The following SCN11A variants were observed in gnomAD, a reference collection of about 807,000 sequenced individuals.
SCN11A encodes the protein sodium channel protein type 11 subunit alpha.
In SCN11A, 122 loss-of-function variants were observed where a neutral mutation model predicts 162.2. The observed-to-expected ratio is 0.75, with a 90% CI of 0.65 to 0.87. The LOEUF is 0.87. Among genes scored for constraint, SCN11A ranks in the 40% least tolerant of loss-of-function variants. The pLI is 0.00. For synonymous variants in SCN11A, 758 were observed against 751.5 expected (o/e 1.01, Z -0.14); for missense variants, 2,015 against 2,181.6 (o/e 0.92, Z 1.52).
intron 28 of SCN11A, among the ~76,000 whole-genome samples, chr3:38,856,241 C>G (rs992561044): frequency 1.3e-5 from 2 of 152,162 alleles, no homozygotes. Context: ...TCACTGCAGA[C>G]ACAGCTGGGG....
chr3:39,032,487 C>T lies in SCN11A; in HGVS notation c.-387G>A, dbSNP rs1048380427. ...GATTGAACATGGAGCCAAAAACATG[C>T]GAAGCACTGGGACAATCTGAAAACA... On this transcript the variant is annotated 5_prime_UTR_variant, in exon 2 of 30. Coordinates refer to ENST00000302328, the MANE Select transcript of SCN11A (RefSeq NM_001349253.2). 1.3e-5 allele frequency among the ~76,000 whole-genome samples: 2 copies of T among 151,908 alleles called. No homozygotes were observed. Among genetic ancestry groups the T allele is most frequent in the African/African-American group, 2.4e-5 (1 of 41,360 alleles).
At chr3:38,910,028 G>A (rs1306067716) in intron 12 of SCN11A, 38 bp downstream of exon 12, 3 of 1,597,676 alleles carry the variant, frequency 1.9e-6, no homozygotes, top group Non-Finnish European at 2.6e-6. Context: ...AGGATGGAGG[G>A]AGGGAGAGAG....
At chr3:38,901,014 T>C (rs1276051418) in intron 16 of SCN11A, among the ~76,000 whole-genome samples, 1 of 151,770 alleles carries the variant, frequency 6.6e-6, no homozygotes. Flanking sequence ...CACAAATAAA[T>C]AGAAATGAAA....
intron 2 of SCN11A, among the ~76,000 whole-genome samples, chr3:38,975,078 A>C (rs1265467137): frequency 6.6e-6 from 1 of 151,888 alleles, no homozygotes; most frequent in African/African-American, 2.4e-5. Flanking sequence ...CAATATATTG[A>C]GAGGAAAAAA....
At chr3:39,023,163 C>T (rs935417748) in intron 2 of SCN11A, among the ~76,000 whole-genome samples, 4 of 152,110 alleles carry the variant, frequency 2.6e-5, no homozygotes, top group Admixed American at 2.0e-4. Context: ...TCAATATAAT[C>T]TGGAAAGGGG....
Position 38,908,137 on chromosome 3 carries a change from A to C in SCN11A, c.1300-15T>G. On this transcript the variant is annotated splice_polypyrimidine_tract_variant and intron_variant, in intron 13 of 29. Transcript: ENST00000302328. ...GCAACCAGAGCCTTCAAATTGAACA[A>C]AAGCAATTAAAGAACAGATTACACC... is the stretch of plus-strand genomic sequence containing the variant. 1.9e-6 allele frequency: 3 copies of C among 1,605,158 alleles called. No homozygotes were observed. The highest frequency in any genetic ancestry group is 2.5e-6 in the Non-Finnish European group (3 of 1,177,874).
intron 2 of SCN11A, among the ~76,000 whole-genome samples, chr3:38,996,852 T>C (rs1193276637): frequency 1.3e-5 from 2 of 152,048 alleles, no homozygotes; most frequent in African/African-American, 4.8e-5. Flanking sequence ...GACGGGAGGA[T>C]CACTTGAACC....
chr3:39,029,128 T>G (rs1231638379), intron 2 of SCN11A, among the ~76,000 whole-genome samples: 6 of 152,200 alleles, frequency 3.9e-5, no homozygotes, highest in Non-Finnish European at 5.9e-5. Flanking sequence ...ACTGTTAATA[T>G]ACCGGTAGGT....
At chr3:38,987,314 CACACA>C in intron 2 of SCN11A, among the ~76,000 whole-genome samples, 1 of 140,286 alleles carries the variant, frequency 7.1e-6, no homozygotes, top group Admixed American at 6.9e-5. Flanking sequence ...CACACACACA[CACACA>C]CACACACACA....
intron 2 of SCN11A, among the ~76,000 whole-genome samples, chr3:39,012,240 G>A (rs796977881): frequency 9.2e-5 from 14 of 152,082 alleles, no homozygotes; most frequent in African/African-American, 3.1e-4. Context: ...CAGGAGAATC[G>A]CTTGAACCTG....
intron 2 of SCN11A, among the ~76,000 whole-genome samples, chr3:39,001,830 C>A (rs548057464): frequency 6.6e-6 from 1 of 151,932 alleles, no homozygotes; most frequent in South Asian, 2.1e-4. Context: ...GTCAGGAGGT[C>A]GAGACCATCC....
At chr3:38,860,724 T>C (rs1207801549) in intron 28 of SCN11A, among the ~76,000 whole-genome samples, 1 of 152,112 alleles carries the variant, frequency 6.6e-6, no homozygotes, top group Non-Finnish European at 1.5e-5. Flanking sequence ...AAAACTGGCA[T>C]AGAAGGAACA....
chr3:38,849,294 A>G (rs114289768), intron 29 of SCN11A: 1 of 113,990 alleles, frequency 8.8e-6, no homozygotes, highest in Non-Finnish European at 1.7e-5. Context: ...GCTGCTGTCA[A>G]TTTCACCAAG....
At chr3:39,003,038 T>C (rs1311495044) in intron 2 of SCN11A, among the ~76,000 whole-genome samples, 2 of 152,194 alleles carry the variant, frequency 1.3e-5, no homozygotes, top group African/African-American at 4.8e-5. Context: ...TTTTTAACTT[T>C]TATTTTAGAT....
intron 2 of SCN11A, among the ~76,000 whole-genome samples, chr3:39,009,683 T>C (rs2125601961): frequency 6.7e-6 from 1 of 148,786 alleles, no homozygotes; most frequent in Admixed American, 6.8e-5. Context: ...ATATTTTTTA[T>C]TTTCATTTTT....
chr3:38,921,468 T>A (rs2066051355), intron 9 of SCN11A, among the ~76,000 whole-genome samples: 1 of 152,198 alleles, frequency 6.6e-6, no homozygotes, highest in South Asian at 2.1e-4. Context: ...AGTTTGAGAC[T>A]CAATCTCTCT....
intron 16 of SCN11A, among the ~76,000 whole-genome samples, chr3:38,902,054 C>G (rs939638971): frequency 6.6e-6 from 1 of 152,156 alleles, no homozygotes; most frequent in Non-Finnish European, 1.5e-5. Flanking sequence ...CAGATGAAAA[C>G]AGATCACCAC....
At chr3:38,906,935 G>A (rs577946745) in intron 14 of SCN11A, among the ~76,000 whole-genome samples, 158 of 151,992 alleles carry the variant, frequency 1.0e-3, no homozygotes, top group Non-Finnish European at 1.8e-3. Flanking sequence ...GTGCGTGCAC[G>A]CGCATACACA....
chr3:38,989,805 G>C (rs557650999), intron 2 of SCN11A, among the ~76,000 whole-genome samples: 43 of 152,292 alleles, frequency 2.8e-4, no homozygotes, highest in African/African-American at 1.0e-3. Flanking sequence ...GAACTTTGCA[G>C]CACATTATGA....
Sources: allele counts gnomAD v4.1 joint callset (sites outside exome capture counted in the v4.1 genomes callset), GRCh38; gene constraint gnomAD v4.1.1; transcripts MANE v1.5; gene names NCBI Gene and HGNC (gene_info 2026-07-23, HGNC 2026-07-21).